ADAM11: variants seen among roughly 807,000 people sequenced by gnomAD.
ADAM11 encodes the protein ADAM metallopeptidase domain 11.
Under a neutral mutation model 119.1 loss-of-function variants are expected in ADAM11, and 49 were observed. The ratio of observed to expected loss-of-function variants is 0.41; its 90% CI spans 0.33 to 0.52. The LOEUF is 0.52. ADAM11 is among the 20% of genes least tolerant of loss of function. The probability of loss-of-function intolerance (pLI) is 0.20; values close to 1 mark genes in which losing one functional copy is unlikely to be tolerated. For synonymous variants in ADAM11, 364 were observed against 408.0 expected (o/e 0.89, Z 1.30); for missense variants, 777 against 1,047.5 (o/e 0.74, Z 3.56).
Position 44,775,650 on chromosome 17 carries a change from G to A in ADAM11, c.1459G>A (p.Asp487Asn). 1 of 1,590,484 alleles carries A rather than the reference G, an allele frequency of 6.3e-7. No individual in the cohort carries two copies. Among genetic ancestry groups the A allele is most frequent in the Non-Finnish European group, 8.5e-7 (1 of 1,169,944 alleles). Residue 487 changes from aspartate (D) to asparagine (N), a missense_variant, in exon 17 of 27, where the codon GAC (aspartate) becomes AAC (asparagine). By Grantham distance (23) the Asp-to-Asn change is conservative. This residue lies in a region of ADAM11 where 348 missense variants were observed against 486.7 expected (regional missense o/e 0.72). Coordinates refer to ENST00000200557, the MANE Select transcript of ADAM11 (RefSeq NM_002390.6). This position sits in a 1 kb window ranked among gnomAD's most constrained non-coding sequence, Gnocchi z 7.5. The stretch of plus-strand genomic sequence containing the variant: ...CCTGACTCACGACGCCATGTGCAGC[G>A]ACGGGCTCTGCTGTCGCCGCTGCAA... ...CTLTHDAMCS[D>N]GLCCRRCKYE...
In ADAM11 at chr17:44,779,971, C is replaced by T; in HGVS notation, c.*217C>T. 1 of 727,410 alleles carries T rather than the reference C, an allele frequency of 1.4e-6. No individual in the cohort carries two copies. Among genetic ancestry groups the T allele is most frequent in the Non-Finnish European group, 2.5e-6 (1 of 408,100 alleles). 45.1% of individuals were successfully genotyped at this position (727,410 alleles called of 1,614,324 possible). On this transcript the variant is annotated 3_prime_UTR_variant, in exon 27 of 27. Transcript: ENST00000200557. ...GGAGGGCACTTCCTCCACAGTCCCCCACCCACCTCCTGCGGCTCAGCCTTG... is the reference window on the plus strand; with the variant it reads ...GGAGGGCACTTCCTCCACAGTCCCCTACCCACCTCCTGCGGCTCAGCCTTG...
intron 26 of ADAM11, 55 bp downstream of exon 26, chr17:44,779,294 C>A: frequency 1.3e-6 from 2 of 1,542,004 alleles, no homozygotes; most frequent in Non-Finnish European, 8.7e-7. Flanking sequence ...ATCCCTCCCG[C>A]TGTCCTTGTC....
At chr17:44,779,392 G>A (rs2049660176) in intron 26 of ADAM11, 153 bp downstream of exon 26, 1 of 985,204 alleles carries the variant, frequency 1.0e-6, no homozygotes, top group Non-Finnish European at 1.2e-6. Context: ...TCCCGGCAGG[G>A]GTGGGAGAGC....
chr17:44,769,699 C>CGGGGGG lies in ADAM11; in HGVS notation c.238-19_238-18insGGGGGG. On this transcript the variant is annotated intron_variant, in intron 2 of 26. Coordinates refer to ENST00000200557, the MANE Select transcript of ADAM11 (RefSeq NM_002390.6). ...AGGCCTCCCTGGGTTGACTCCCCCT[C>CGGGGGG]TGCCCTCCCCCCACCCAGCCTGTCC... is the stretch of plus-strand genomic sequence containing the variant. 8 of 1,574,466 alleles carry CGGGGGG rather than the reference C, an allele frequency of 5.1e-6. No individual in the cohort carries two copies. Among genetic ancestry groups the CGGGGGG allele is most frequent in the Non-Finnish European group, 7.0e-6 (8 of 1,145,006 alleles).
Position 44,770,022 on chromosome 17 carries a change from C to A in ADAM11, c.355C>A (p.Arg119=). The change falls in exon 4 of 27, where the codon CGG becomes AGG. Residue 119 remains arginine, a synonymous_variant. Coordinates refer to ENST00000200557, the MANE Select transcript of ADAM11 (RefSeq NM_002390.6). ...GCAATACGTGGAGCGCCACTTCAGC[C>A]GGGAGGGGACAACCCAGCACAGCAC... ...SSQYVERHFS[R]EGTTQHSTGA... 1 of 1,614,104 alleles carries A rather than the reference C, an allele frequency of 6.2e-7. No individual in the cohort carries two copies. The highest frequency in any genetic ancestry group is 1.3e-5 in the African/African-American group (1 of 75,056).
Position 44,776,673 on chromosome 17 carries a change from C to T in ADAM11, c.1567-72C>T. ...CAATGGGGGGCACTTGGTACCCCAG[C>T]ATTCCTCCCTGGGGCAGCCCTCAGC... On this transcript the variant is annotated intron_variant, in intron 18 of 26. Coordinates refer to ENST00000200557, the MANE Select transcript of ADAM11 (RefSeq NM_002390.6). This position sits in a 1 kb window ranked among gnomAD's most constrained non-coding sequence, Gnocchi z 5.2. 8 of 1,562,962 alleles carry T rather than the reference C, an allele frequency of 5.1e-6. No homozygotes were observed. The East Asian group carries it at 1.6e-4, about 31-fold the overall frequency.
chr17:44,759,036 A>T lies in ADAM11; in HGVS notation c.-164A>T. On this transcript the variant is annotated 5_prime_UTR_variant, in exon 1 of 27. An upstream open reading frame in the 5' UTR loses its in-frame stop. Coordinates refer to ENST00000200557, the MANE Select transcript of ADAM11 (RefSeq NM_002390.6). ...GGATGGCCGCGGCCGGAGCGCGCTG[A>T]GCCCCGGCGCCGTCCCTGCCGCCCC... 5.5e-6 allele frequency: 1 copy of T among 180,956 alleles called. No homozygotes were observed. The highest frequency in any genetic ancestry group is 1.1e-5 in the Non-Finnish European group (1 of 92,238). The allele number at this position is 180,956 out of a possible 1,614,324, so 11.2% of individuals were successfully genotyped here.
chr17:44,774,808 C>G (rs932493704), intron 14 of ADAM11, 59 bp downstream of exon 14: 41 of 1,568,732 alleles, frequency 2.6e-5, no homozygotes, highest in Non-Finnish European at 9.5e-6. Context: ...TTAGAGCGAG[C>G]ATTGTTTGGC....
At chr17:44,763,391 C>T (rs185451476) in intron 2 of ADAM11, among the ~76,000 whole-genome samples, 244 of 152,346 alleles carry the variant, frequency 1.6e-3, no homozygotes, top group Non-Finnish European at 2.9e-3. Context: ...CACGCTGCCA[C>T]CTCTTGCTCA....
Position 44,772,948 on chromosome 17 carries a change from G to A in ADAM11, c.753+17G>A, listed in dbSNP as rs773519880. 1.1e-5 allele frequency: 18 copies of A among 1,614,020 alleles called. No homozygotes were observed. In the African/African-American group the frequency reaches 2.1e-4, roughly 19 times the overall value. On this transcript the variant is annotated intron_variant, in intron 9 of 26. Transcript: ENST00000200557. The surrounding 1 kb of genome is among the most constrained non-coding windows in gnomAD (Gnocchi z 4.5). ...CACCAGCTGGTGAGTGCCAGGGCAG[G>A]GACAGGGCGTGACACTGGGAGGCCC...
intron 26 of ADAM11, 136 bp from the exon 27 acceptor site, chr17:44,779,603 C>G (rs539718014): frequency 6.7e-7 from 1 of 1,485,446 alleles, no homozygotes; most frequent in Non-Finnish European, 8.9e-7. Flanking sequence ...TCTGACCTCC[C>G]GCAGATCCCT....
Position 44,775,225 on chromosome 17 carries a change from C to T in ADAM11, c.1234C>T (p.Arg412Cys), listed in dbSNP as rs2049582463. Residue 412 changes from arginine to cysteine, a missense_variant, in exon 15 of 27, where the codon CGC becomes TGC. Physicochemically the swap from Arg to Cys is radical, Grantham distance 180. This residue lies in a region of ADAM11 where 4 missense variants were observed against 27.4 expected (regional missense o/e 0.15). Transcript: ENST00000200557. The surrounding 1 kb of genome is among the most constrained non-coding windows in gnomAD (Gnocchi z 7.5). ...IMEDTGFYLP[R>C]KFSRCSIDEY... ...CGCCCTATCCAGGTTCTACCTGCCCCGCAAGTTCTCGCGCTGTAGCATCGA... is the reference window on the plus strand; with the variant it reads ...CGCCCTATCCAGGTTCTACCTGCCCTGCAAGTTCTCGCGCTGTAGCATCGA... The T allele has an allele frequency of 6.2e-7, 1 of 1,613,584 alleles. No homozygotes were observed. The highest frequency in any genetic ancestry group is 1.7e-5 in the Admixed American group (1 of 60,004).
At chr17:44,769,630 C>CCCCCCGG in intron 2 of ADAM11, 88 bp from the exon 3 acceptor site, 1 of 825,556 alleles carries the variant, frequency 1.2e-6, no homozygotes, top group Non-Finnish European at 2.0e-6. Context: ...CACCCCTTCC[C>CCCCCCGG]CAGGGCTACT....
chr17:44,777,916 C>T lies in ADAM11; in HGVS notation c.2071-36C>T. The T allele has an allele frequency of 6.2e-7, 1 of 1,613,638 alleles. No homozygotes were observed. The highest frequency in any genetic ancestry group is 1.1e-5 in the South Asian group (1 of 91,070). On this transcript the variant is annotated intron_variant, in intron 23 of 26. Transcript: ENST00000200557. This position sits in a 1 kb window ranked among gnomAD's most constrained non-coding sequence, Gnocchi z 5.1. ...GAGAAGCTTACAAGAGGGGACAGGC[C>T]CCTGCTCACCTCTCCTGGCCCTGCC...
At position 44,777,705 on chromosome 17, in the gene ADAM11, G is replaced by C. The variant is rs780138211; in HGVS notation, c.1912G>C (p.Val638Leu). 2.5e-6 allele frequency: 4 copies of C among 1,613,796 alleles called. No homozygotes were observed. The highest frequency in any genetic ancestry group is 1.7e-6 in the Non-Finnish European group (2 of 1,179,852). ...GKELDCRGGH[V>L]QLADGSDLSY... ...GTGTCACTTCCCCAGGGGAGGCCAC[G>C]TGCAGCTGGCGGACGGCTCTGACCT... Residue 638 changes from valine (V) to leucine (L), a missense_variant, in exon 23 of 27, where the codon GTG becomes CTG. Around this residue, in one of 4 missense-constraint regions of ADAM11, gnomAD observed 348 missense variants for 486.7 expected, o/e 0.72. Transcript: ENST00000200557. The surrounding 1 kb of genome is among the most constrained non-coding windows in gnomAD (Gnocchi z 5.1).
chr17:44,765,226 G>A (rs2049432994), intron 2 of ADAM11, among the ~76,000 whole-genome samples: 1 of 149,094 alleles, frequency 6.7e-6, no homozygotes, highest in Non-Finnish European at 1.5e-5. Flanking sequence ...AGGTGGGTGG[G>A]TGGGTGGGGG....
At chr17:44,779,459 C>T in intron 26 of ADAM11, 3 of 985,438 alleles carry the variant, frequency 3.0e-6, no homozygotes, top group Non-Finnish European at 2.4e-6. Flanking sequence ...AGGCCACGTC[C>T]TTCTCGACTG....
rs2049542323 is a variant in ADAM11 at position 44,772,733 on chromosome 17, G to A, written c.679-124G>A. 2 of 954,460 alleles carry A rather than the reference G, an allele frequency of 2.1e-6. No individual in the cohort carries two copies. Among genetic ancestry groups the A allele is most frequent in the African/African-American group, 1.6e-5 (1 of 61,700 alleles). The allele number at this position is 954,460 out of a possible 1,614,324, so 59.1% of individuals were successfully genotyped here. A position where few individuals can be genotyped will look rare whatever the true frequency, so the allele number is the denominator to read the frequency against. ...GAAGGACAGGACCCTCTGCCAGTGG[G>A]GAGCTGGCACTGTCCCTGGCTGGAG... On this transcript the variant is annotated intron_variant, in intron 8 of 26. Coordinates refer to ENST00000200557, the MANE Select transcript of ADAM11 (RefSeq NM_002390.6). The surrounding 1 kb of genome is among the most constrained non-coding windows in gnomAD (Gnocchi z 4.5).
Position 44,772,429 on chromosome 17 carries a change from C to G in ADAM11, c.641C>G (p.Ala214Gly). Residue 214 changes from alanine (A) to glycine (G), a missense_variant, in exon 8 of 27, where the codon GCT (alanine) becomes GGT (glycine). This residue lies in a region of ADAM11 where 278 missense variants were observed against 310.1 expected (regional missense o/e 0.90). Coordinates refer to ENST00000200557, the MANE Select transcript of ADAM11 (RefSeq NM_002390.6). This position sits in a 1 kb window ranked among gnomAD's most constrained non-coding sequence, Gnocchi z 4.5. Reference sequence around the variant, plus strand: ...CTGTTTGCTGTGCCTGCCCAGTCGGCTCCTCCAAACCGGCCGAGGCTGAGA... The same window carrying G: ...CTGTTTGCTGTGCCTGCCCAGTCGGGTCCTCCAAACCGGCCGAGGCTGAGA... ...GCLFAVPAQS[A>G]PPNRPRLRRK... is the part of the protein sequence containing the mutation. The G allele has an allele frequency of 6.3e-7, 1 of 1,577,696 alleles. No homozygotes were observed. The highest frequency in any genetic ancestry group is 1.2e-5 in the South Asian group (1 of 86,710).
Sources: allele counts gnomAD v4.1 joint callset (sites outside exome capture counted in the v4.1 genomes callset), GRCh38; gene constraint gnomAD v4.1.1; regional missense constraint gnomAD v4.1.1; non-coding constraint Gnocchi (gnomAD v3.1); transcripts MANE v1.5; gene names NCBI Gene and HGNC (gene_info 2026-07-23, HGNC 2026-07-21).